The following MFSD1 variants were observed in gnomAD, a reference collection of about 807,000 sequenced individuals.
The protein encoded by MFSD1 is lysosomal dipeptide transporter MFSD1.
A neutral mutation model predicts 67.1 loss-of-function variants in MFSD1; 59 were observed. The ratio of observed to expected loss-of-function variants is 0.88; its 90% CI spans 0.71 to 1.09. The LOEUF (loss-of-function observed/expected upper bound fraction) is 1.09, where lower values mean the gene tolerates loss of function less well. Among genes scored for constraint, MFSD1 ranks in the 50% least tolerant of loss-of-function variants. The pLI, the probability that MFSD1 is intolerant of heterozygous loss-of-function variation, is 0.00. For missense variants in MFSD1, 552 were observed against 566.1 expected (o/e 0.97, Z 0.25); for synonymous variants, 213 against 200.3 (o/e 1.06, Z -0.54).
chr3:158,807,412 G>A lies in MFSD1; in HGVS notation c.389G>A (p.Gly130Asp). 1 of 1,612,960 alleles carries A rather than the reference G, an allele frequency of 6.2e-7. No homozygotes were observed. Residue 130 changes from glycine to aspartate, a missense_variant, in exon 5 of 16, where the codon GGT (glycine) becomes GAT (aspartate). Transcript: ENST00000415822. ...VCIGQVVFAL[G>D]GIFNAFWLME... ...ACATTATAGGTTGTTTTTGCCCTGG[G>A]TGGAATATTTAATGCTTTTTGGCTG...
intron 15 of MFSD1, 31 bp from the exon 16 acceptor site, chr3:158,828,948 C>G (rs1195423424): frequency 3.1e-6 from 5 of 1,592,550 alleles, no homozygotes; most frequent in Non-Finnish European, 4.3e-6. Context: ...TTTTCTTCCT[C>G]TTTGGTAATT....
intron 7 of MFSD1, among the ~76,000 whole-genome samples, chr3:158,818,420 T>C (rs551537078): frequency 1.3e-5 from 2 of 152,248 alleles, no homozygotes; most frequent in East Asian, 3.9e-4. Context: ...TTAACCATAG[T>C]CATCCTGCTG....
chr3:158,817,701 T>A (rs1336892955), intron 7 of MFSD1, among the ~76,000 whole-genome samples: 2 of 152,180 alleles, frequency 1.3e-5, no homozygotes, highest in East Asian at 3.9e-4. Flanking sequence ...TTCAATGCCA[T>A]CCCCATCAAG....
At chr3:158,809,566 C>A (rs1275441322) in intron 6 of MFSD1, among the ~76,000 whole-genome samples, 2 of 152,066 alleles carry the variant, frequency 1.3e-5, no homozygotes, top group Non-Finnish European at 2.9e-5. Context: ...ATTTCTTACC[C>A]ATTTTTGGCA....
Position 158,826,025 on chromosome 3 carries a change from A to G in MFSD1, c.1299A>G (p.Leu433=). ...FFIACVSLSL[L]SVVLLYLVNR... is the part of the protein sequence containing the mutation. ...TTTTTTCACTCCTAGTGTCACTTTT[A>G]TCTGTGGTCTTACTCTATTTGGTGA... Residue 433 remains leucine, a synonymous_variant, in exon 14 of 16, where the codon TTA becomes TTG. Coordinates refer to ENST00000415822, the MANE Select transcript of MFSD1 (RefSeq NM_022736.4). The G allele has an allele frequency of 6.2e-7, 1 of 1,613,344 alleles. No homozygotes were observed. Among genetic ancestry groups the G allele is most frequent in the Non-Finnish European group, 8.5e-7 (1 of 1,179,440 alleles).
chr3:158,803,314 A>C (rs929509037), intron 1 of MFSD1, among the ~76,000 whole-genome samples: 1 of 152,140 alleles, frequency 6.6e-6, no homozygotes, highest in East Asian at 1.9e-4. Flanking sequence ...ATAAGTAGAC[A>C]TGAAGGATGC....
intron 7 of MFSD1, among the ~76,000 whole-genome samples, chr3:158,819,322 G>A (rs1159823496): frequency 6.6e-6 from 1 of 152,188 alleles, no homozygotes; most frequent in African/African-American, 2.4e-5. Context: ...ATGAAGAAAT[G>A]AGGACTACAT....
chr3:158,826,710 C>T (rs1475634750), intron 14 of MFSD1, among the ~76,000 whole-genome samples: 1 of 151,014 alleles, frequency 6.6e-6, no homozygotes, highest in East Asian at 1.9e-4. Context: ...CTCTGTCACC[C>T]AGGCTGGAGT....
intron 6 of MFSD1, among the ~76,000 whole-genome samples, chr3:158,812,661 T>G (rs981671845): frequency 6.6e-6 from 1 of 152,208 alleles, no homozygotes; most frequent in Non-Finnish European, 1.5e-5. Context: ...GCTTTTGCCT[T>G]GTGGTCTGTT....
Position 158,808,459 on chromosome 3 carries a change from G to A in MFSD1, c.441-720G>A, listed in dbSNP as rs143712618. Among the ~76,000 whole-genome samples, 29 of 152,268 alleles carry A rather than the reference G, an allele frequency of 1.9e-4. No homozygotes were observed. The East Asian group carries it at 5.4e-3, about 28-fold the overall frequency. On this transcript the variant is annotated intron_variant, in intron 5 of 15. Transcript: ENST00000415822. Reference sequence around the variant, plus strand: ...AGAGTGTTGAATATGGAAAGTGAATGTGGGGATTGATTGATGGAGAGCTTT... The same window carrying A: ...AGAGTGTTGAATATGGAAAGTGAATATGGGGATTGATTGATGGAGAGCTTT...
intron 7 of MFSD1, among the ~76,000 whole-genome samples, chr3:158,816,483 T>C (rs1310866844): frequency 4.6e-5 from 7 of 152,150 alleles, no homozygotes; most frequent in Admixed American, 1.3e-4. Flanking sequence ...TGTCCTTCGC[T>C]CACTTTTTGA....
rs1312436364 is a variant in MFSD1 at position 158,804,465 on chromosome 3, T to C, written c.216+94T>C. ...AACCCTCAGGTGCCCTAGTCTCACGTGTCCGCTGAATCTATTTTGACATCT... is the reference window on the plus strand; with the variant it reads ...AACCCTCAGGTGCCCTAGTCTCACGCGTCCGCTGAATCTATTTTGACATCT... On this transcript the variant is annotated intron_variant, in intron 2 of 15. Transcript: ENST00000415822. 9.8e-6 allele frequency: 9 copies of C among 918,770 alleles called. No individual in the cohort carries two copies. In the East Asian group the frequency reaches 2.0e-4, roughly 20 times the overall value. 56.9% of individuals were successfully genotyped at this position (918,770 alleles called of 1,614,324 possible).
In MFSD1 at chr3:158,823,518, T is replaced by A. The variant is rs377078312; in HGVS notation, c.1168T>A (p.Tyr390Asn). Residue 390 changes from tyrosine to asparagine, a missense_variant, in exon 12 of 16, where the codon TAT becomes AAT. By Grantham distance (143) the Tyr-to-Asn change is moderately radical. Coordinates refer to ENST00000415822, the MANE Select transcript of MFSD1 (RefSeq NM_022736.4). ...TCCTGAACATCAGCTGGGAACTGCA[T>A]ATGGCTTGTAAGTATTTACGCTGTG... ...VVPEHQLGTAYGFMQSIQNLG... is the reference protein window; with the variant it reads ...VVPEHQLGTANGFMQSIQNLG... 2 of 1,605,130 alleles carry A rather than the reference T, an allele frequency of 1.2e-6. No individual in the cohort carries two copies. The highest frequency in any genetic ancestry group is 1.7e-6 in the Non-Finnish European group (2 of 1,171,770).
At chr3:158,818,784 C>T (rs1227752358) in intron 7 of MFSD1, among the ~76,000 whole-genome samples, 1 of 152,176 alleles carries the variant, frequency 6.6e-6, no homozygotes, top group East Asian at 1.9e-4. Flanking sequence ...TTAAAAGCTT[C>T]TTAGTATTCC....
At chr3:158,822,474 A>G (rs1164142352) in intron 11 of MFSD1, 1 of 160,448 alleles carries the variant, frequency 6.2e-6, no homozygotes, top group African/African-American at 2.4e-5. Context: ...GCATTCCATC[A>G]TAGATGGCAA....
At chr3:158,823,327 A>G (rs988605772) in intron 11 of MFSD1, 101 bp from the exon 12 acceptor site, 2 of 816,432 alleles carry the variant, frequency 2.4e-6, no homozygotes, top group East Asian at 2.5e-5. Flanking sequence ...GCTTGAATAT[A>G]TATATATTAA....
In MFSD1 at chr3:158,818,824, A is replaced by G. The variant is rs140713156; in HGVS notation, c.653-825A>G. 3.4e-3 allele frequency among the ~76,000 whole-genome samples: 520 copies of G among 152,298 alleles called. 6 individuals are homozygous for G. Among genetic ancestry groups the G allele is most frequent in the African/African-American group, 0.012 (489 of 41,564 alleles). On this transcript the variant is annotated intron_variant, in intron 7 of 15. Coordinates refer to ENST00000415822, the MANE Select transcript of MFSD1 (RefSeq NM_022736.4). ...AATTTCCTCCACAATGGGAAATTTTAGAGTAAGACTTTTAGAGCCAGAAAA... is the reference window on the plus strand; with the variant it reads ...AATTTCCTCCACAATGGGAAATTTTGGAGTAAGACTTTTAGAGCCAGAAAA...
At chr3:158,810,495 G>C (rs1729949389) in intron 6 of MFSD1, among the ~76,000 whole-genome samples, 1 of 152,088 alleles carries the variant, frequency 6.6e-6, no homozygotes, top group South Asian at 2.1e-4. Flanking sequence ...GAGTATTTCT[G>C]TATTTTTATA....
chr3:158,821,746 C>A, intron 10 of MFSD1, 93 bp downstream of exon 10: 2 of 1,173,942 alleles, frequency 1.7e-6, no homozygotes, highest in Non-Finnish European at 1.2e-6. Context: ...ATGTATGTGA[C>A]CTAATATTTT....
Sources: gnomAD v4.1 joint callset for allele counts (sites outside exome capture counted in the v4.1 genomes callset) on GRCh38, gnomAD v4.1.1 for gene constraint, MANE v1.5 for transcripts, NCBI Gene and HGNC (gene_info 2026-07-23, HGNC 2026-07-21) for gene names.